UGGT2: variants seen among roughly 807,000 people sequenced by gnomAD.
UGGT2 encodes the protein UDP-glucose:glycoprotein glucosyltransferase 2.
Under a neutral mutation model 192.1 loss-of-function variants are expected in UGGT2, and 180 were observed. The observed-to-expected ratio is 0.94, with a 90% CI of 0.83 to 1.06. The LOEUF is 1.06. Ranked by LOEUF, UGGT2 falls within the 50% of genes least tolerant of loss-of-function variation. The pLI is 0.00. For synonymous variants in UGGT2, 580 were observed against 591.0 expected (o/e 0.98, Z 0.27); for missense variants, 1,849 against 1,795.7 (o/e 1.03, Z -0.54).
intron 38 of UGGT2, chr13:95,809,585 G>A (rs768423022): frequency 1.1e-4 from 28 of 263,936 alleles, no homozygotes; most frequent in Non-Finnish European, 2.1e-4. Context: ...CTGTCCCTTC[G>A]GTGGAGCTGA....
chr13:96,024,537 C>G (rs1400619343), intron 2 of UGGT2, among the ~76,000 whole-genome samples: 1 of 152,170 alleles, frequency 6.6e-6, no homozygotes. Context: ...TGGGTGTAAC[C>G]ATTGACTGCA....
chr13:95,903,092 G>GT, intron 20 of UGGT2, 32 bp from the exon 21 acceptor site: 1 of 1,571,766 alleles, frequency 6.4e-7, no homozygotes, highest in Non-Finnish European at 8.6e-7. Context: ...AAAAAGACCA[G>GT]TATCATACAT....
intron 14 of UGGT2, among the ~76,000 whole-genome samples, chr13:95,947,713 CCCAAAG>C (rs2049924428): frequency 8.6e-6 from 1 of 115,662 alleles, no homozygotes; most frequent in Non-Finnish European, 1.9e-5. Context: ...CCTCCCAAAT[CCCAAAG>C]TGCTGGGATT....
At chr13:96,013,803 T>C (rs2052241773) in intron 4 of UGGT2, among the ~76,000 whole-genome samples, 2 of 152,126 alleles carry the variant, frequency 1.3e-5, no homozygotes, top group Admixed American at 6.5e-5. Context: ...AATTTTTCAT[T>C]ACAGCTCATA....
At chr13:95,911,884 C>T (rs1250492872) in intron 20 of UGGT2, among the ~76,000 whole-genome samples, 8 of 152,150 alleles carry the variant, frequency 5.3e-5, no homozygotes, top group African/African-American at 1.9e-4. Flanking sequence ...AAAGCTTATC[C>T]ACCATGATCA....
At chr13:96,046,664 G>A (rs2139225389) in intron 1 of UGGT2, among the ~76,000 whole-genome samples, 2 of 152,342 alleles carry the variant, frequency 1.3e-5, no homozygotes, top group East Asian at 3.9e-4. Context: ...CCGAAGCGGG[G>A]CAAGGCATCG....
intron 34 of UGGT2, among the ~76,000 whole-genome samples, chr13:95,855,337 A>C (rs1019630676): frequency 5.9e-4 from 89 of 151,892 alleles, no homozygotes; most frequent in Non-Finnish European, 2.9e-5. Flanking sequence ...TAACTTATCC[A>C]TTTACTTTAT....
Position 95,901,023 on chromosome 13 carries a change from T to A in UGGT2, c.2503-85A>T, listed in dbSNP as rs181746790. 3.2e-4 allele frequency: 301 copies of A among 952,290 alleles called. 6 individuals carry two copies. In the East Asian group the frequency reaches 7.6e-3, roughly 24 times the overall value. The allele number at this position is 952,290 out of a possible 1,614,324, so 59.0% of individuals were successfully genotyped here. On this transcript the variant is annotated intron_variant, in intron 21 of 38. Coordinates refer to ENST00000376747, the MANE Select transcript of UGGT2 (RefSeq NM_020121.4). Reference sequence around the variant, plus strand: ...TTTGTTTAAAAAACTAATATTAGTATAAAATTTTAAATAATACTTTCAAAA... The same window carrying A: ...TTTGTTTAAAAAACTAATATTAGTAAAAAATTTTAAATAATACTTTCAAAA...
intron 29 of UGGT2, among the ~76,000 whole-genome samples, chr13:95,871,973 AC>A (rs869122206): frequency 2.0e-5 from 3 of 151,722 alleles, no homozygotes; most frequent in African/African-American, 7.3e-5. Context: ...CCTTCCTCCT[AC>A]AAAAACATGG....
At chr13:95,981,751 A>T (rs930499662) in intron 10 of UGGT2, among the ~76,000 whole-genome samples, 2 of 152,208 alleles carry the variant, frequency 1.3e-5, no homozygotes, top group African/African-American at 4.8e-5. Flanking sequence ...TCTCGTGTCC[A>T]ATCCGTGTGC....
chr13:96,015,103 C>T (rs7335247), intron 4 of UGGT2, among the ~76,000 whole-genome samples: 50 of 151,792 alleles, frequency 3.3e-4, no homozygotes, highest in African/African-American at 1.1e-3. Flanking sequence ...ATGGTGAAAC[C>T]CTGTCTGTAC....
intron 1 of UGGT2, among the ~76,000 whole-genome samples, chr13:96,043,297 T>C (rs2053217254): frequency 6.6e-6 from 1 of 152,140 alleles, no homozygotes; most frequent in African/African-American, 2.4e-5. Context: ...AGATACAGTC[T>C]TTTCCAGACA....
Position 95,925,668 on chromosome 13 carries a change from C to A in UGGT2, c.2295+12G>T. 1 of 1,482,934 alleles carries A rather than the reference C, an allele frequency of 6.7e-7. No homozygotes were observed. The highest frequency in any genetic ancestry group is 1.4e-5 in the South Asian group (1 of 70,148). The allele number at this position is 1,482,934 out of a possible 1,614,324, so 91.9% of individuals were successfully genotyped here. A position where few individuals can be genotyped will look rare whatever the true frequency, so the allele number is the denominator to read the frequency against. The stretch of plus-strand genomic sequence containing the variant: ...AAATTAAAATTGTTAGTAAGAATAT[C>A]TAGGTACTCACCATGTGCTTTAATG... On this transcript the variant is annotated intron_variant, in intron 20 of 38. Coordinates refer to ENST00000376747, the MANE Select transcript of UGGT2 (RefSeq NM_020121.4).
In UGGT2 at chr13:95,937,141, A is replaced by G. The variant is rs915632779; in HGVS notation, c.1813-53T>C. The G allele has an allele frequency of 5.9e-5, 91 of 1,535,128 alleles. No homozygotes were observed. In the South Asian group the frequency reaches 1.1e-3, roughly 19 times the overall value. ...TAAACAAAATATGATTGTTTGAATAATAAACATAAGAAAATGGAACACCGC... is the reference window on the plus strand; with the variant it reads ...TAAACAAAATATGATTGTTTGAATAGTAAACATAAGAAAATGGAACACCGC... On this transcript the variant is annotated intron_variant, in intron 16 of 38. Coordinates refer to ENST00000376747, the MANE Select transcript of UGGT2 (RefSeq NM_020121.4).
chr13:95,818,783 G>A (rs1052908161), intron 38 of UGGT2, among the ~76,000 whole-genome samples: 7 of 151,978 alleles, frequency 4.6e-5, no homozygotes, highest in Non-Finnish European at 7.4e-5. Flanking sequence ...CTATAGTGGC[G>A]TCACCTGGGA....
intron 38 of UGGT2, among the ~76,000 whole-genome samples, chr13:95,820,255 A>G (rs1885370144): frequency 6.6e-6 from 1 of 152,198 alleles, no homozygotes; most frequent in Non-Finnish European, 1.5e-5. Context: ...TTTCTTGGAA[A>G]ACATAATTTG....
At position 95,986,362 on chromosome 13, in the gene UGGT2, G is replaced by A; in HGVS notation, c.1002C>T (p.Asp334=). 6.2e-7 allele frequency: 1 copy of A among 1,602,738 alleles called. No homozygotes were observed. Among genetic ancestry groups the A allele is most frequent in the Non-Finnish European group, 8.5e-7 (1 of 1,171,652 alleles). Residue 334 remains aspartate (D), a synonymous_variant, in exon 9 of 39, where the codon GAC becomes GAT. Transcript: ENST00000376747. ...CTTTTATGGGGAAGTTCTGTGAAATGTCTTTCATTAATTTAATGGAATCAT... is the reference window on the plus strand; with the variant it reads ...CTTTTATGGGGAAGTTCTGTGAAATATCTTTCATTAATTTAATGGAATCAT... The part of the protein sequence containing the change: ...PVYDSIKLMK[D]ISQNFPIKAR...
rs150605845 is a variant in UGGT2 at position 95,840,420 on chromosome 13, C to T, written c.4285-3218G>A. On this transcript the variant is annotated intron_variant, in intron 36 of 38. Transcript: ENST00000376747. Reference sequence around the variant, plus strand: ...CGCTTCTCAAAAGAAGACACTTATGCGACCAACAAACATACGAAATAAAGT... The same window carrying T: ...CGCTTCTCAAAAGAAGACACTTATGTGACCAACAAACATACGAAATAAAGT... 8.9e-3 allele frequency among the ~76,000 whole-genome samples: 1,354 copies of T among 152,168 alleles called. 11 individuals carry two copies. Among genetic ancestry groups the T allele is most frequent in the South Asian group, 0.033 (157 of 4,814 alleles).
At chr13:95,974,899 T>C (rs979095535) in intron 10 of UGGT2, among the ~76,000 whole-genome samples, 7 of 151,962 alleles carry the variant, frequency 4.6e-5, no homozygotes, top group African/African-American at 1.2e-4. Flanking sequence ...CTGTCCAACA[T>C]GGTGAAACCC....
Sources: allele counts gnomAD v4.1 joint callset (sites outside exome capture counted in the v4.1 genomes callset), GRCh38; gene constraint gnomAD v4.1.1; transcripts MANE v1.5; gene names NCBI Gene and HGNC (gene_info 2026-07-23, HGNC 2026-07-21).